The following PCBP3 variants were observed in gnomAD, a reference collection of about 807,000 sequenced individuals.
PCBP3 encodes poly(rC)-binding protein 3.
A neutral mutation model predicts 52.7 loss-of-function variants in PCBP3; 25 were observed. That is an observed-to-expected ratio of 0.47 (90% CI 0.35 to 0.66). The LOEUF is 0.66. Ranked by LOEUF, PCBP3 falls within the 30% of genes least tolerant of loss-of-function variation. The pLI, the probability that PCBP3 is intolerant of heterozygous loss-of-function variation, is 0.01. For missense variants in PCBP3, 391 were observed against 490.3 expected, an observed-to-expected ratio of 0.80 and a Z score of 1.91; for synonymous variants, 162 against 183.0, an observed-to-expected ratio of 0.89 and a Z score of 0.93.
intron 4 of PCBP3, among the ~76,000 whole-genome samples, chr21:45,764,800 G>A (rs1249358017): frequency 6.7e-6 from 1 of 149,580 alleles, no homozygotes; most frequent in Non-Finnish European, 1.5e-5. Flanking sequence ...GGAAAGAGTG[G>A]TGCCATCGTC....
intron 13 of PCBP3, among the ~76,000 whole-genome samples, chr21:45,922,507 A>G (rs1033377965): frequency 5.3e-5 from 8 of 152,192 alleles, no homozygotes; most frequent in Non-Finnish European, 1.0e-4. Context: ...GTGAGCAGAG[A>G]TTGCACCACT....
At chr21:45,911,141 C>A in intron 11 of PCBP3, 111 bp downstream of exon 11, 1 of 1,256,994 alleles carries the variant, frequency 8.0e-7, no homozygotes, top group Non-Finnish European at 1.1e-6. Flanking sequence ...ACAGTTGGGG[C>A]TGTGGGGGGC....
At chr21:45,799,907 C>T (rs759118900) in intron 4 of PCBP3, among the ~76,000 whole-genome samples, 1 of 152,200 alleles carries the variant, frequency 6.6e-6, no homozygotes, top group Non-Finnish European at 1.5e-5. Context: ...GCCCAGGAGG[C>T]CTTGATGCGG....
intron 4 of PCBP3, among the ~76,000 whole-genome samples, chr21:45,797,115 A>G (rs2091958197): frequency 6.6e-6 from 1 of 152,198 alleles, no homozygotes; most frequent in South Asian, 2.1e-4. Flanking sequence ...ATTTGGGGTG[A>G]AAGAGCGTGG....
intron 2 of PCBP3, among the ~76,000 whole-genome samples, chr21:45,714,926 G>A (rs2084107616): frequency 6.6e-6 from 1 of 152,198 alleles, no homozygotes; most frequent in African/African-American, 2.4e-5. Context: ...GATGCCCATG[G>A]ATATGGGCCT....
At position 45,805,560 on chromosome 21, in the gene PCBP3, G is replaced by A. The variant is rs1269825402; in HGVS notation, c.-125-44401G>A. ...GGCCTTGTGGGCAGTGTGGCAGAAC[G>A]GCACATACAGGTGCCTAAAATCGAG... On this transcript the variant is annotated intron_variant, in intron 4 of 17. Coordinates refer to ENST00000681687, the MANE Select transcript of PCBP3 (RefSeq NM_001384156.1). This position sits in a 1 kb window ranked among gnomAD's most constrained non-coding sequence, Gnocchi z 4.6. Among the ~76,000 whole-genome samples, 4 of 152,172 alleles carry A rather than the reference G, an allele frequency of 2.6e-5. No individual in the cohort carries two copies. Among genetic ancestry groups the A allele is most frequent in the African/African-American group, 9.7e-5 (4 of 41,450 alleles).
chr21:45,793,346 A>G (rs1569229866), intron 4 of PCBP3, among the ~76,000 whole-genome samples: 1 of 152,150 alleles, frequency 6.6e-6, no homozygotes, highest in Non-Finnish European at 1.5e-5. Flanking sequence ...ACCGAGAGCT[A>G]TTCCCGAGCA....
chr21:45,937,570 A>G (rs1459521486), intron 16 of PCBP3, among the ~76,000 whole-genome samples: 1 of 152,224 alleles, frequency 6.6e-6, no homozygotes, highest in Non-Finnish European at 1.5e-5. Flanking sequence ...GGAATTTGGC[A>G]TTGACATCTG....
rs543354275 is a variant in PCBP3 at position 45,719,151 on chromosome 21, T to A, written c.-199-16241T>A. ...AGCCATGTTGTGTGATTAGCTCAGC[T>A]GTATCTGGCTGACCGTTCGTAATCC... On this transcript the variant is annotated intron_variant, in intron 2 of 17. Transcript: ENST00000681687. Among the ~76,000 whole-genome samples the A allele has an allele frequency of 1.2e-4, 19 of 152,270 alleles. No homozygotes were observed. In the South Asian group the frequency reaches 3.9e-3, roughly 32 times the overall value.
intron 9 of PCBP3, chr21:45,901,420 T>G: frequency 5.8e-6 from 2 of 341,944 alleles, no homozygotes; most frequent in Non-Finnish European, 5.7e-6. Context: ...CACCCCACCC[T>G]TCCCCTGGGG....
chr21:45,772,926 T>C (rs973086181), intron 4 of PCBP3, among the ~76,000 whole-genome samples: 2 of 152,152 alleles, frequency 1.3e-5, no homozygotes, highest in Non-Finnish European at 2.9e-5. Context: ...TTAGTGGGAC[T>C]ATTTGTTTTT....
At chr21:45,690,093 T>G (rs1330267714) in intron 2 of PCBP3, among the ~76,000 whole-genome samples, 2 of 152,144 alleles carry the variant, frequency 1.3e-5, no homozygotes, top group Non-Finnish European at 2.9e-5. Context: ...TTGATTTATC[T>G]GGTTTCAAAT....
At chr21:45,754,946 G>A (rs1330385337) in intron 3 of PCBP3, among the ~76,000 whole-genome samples, 2 of 149,594 alleles carry the variant, frequency 1.3e-5, no homozygotes, top group Non-Finnish European at 3.0e-5. Flanking sequence ...TCTTGCTTGG[G>A]ATTGTTCTTG....
intron 13 of PCBP3, among the ~76,000 whole-genome samples, chr21:45,923,069 T>G (rs1323053861): frequency 6.6e-6 from 1 of 152,244 alleles, no homozygotes; most frequent in East Asian, 1.9e-4. Flanking sequence ...CGGGACTCTG[T>G]CGGTGCCACG....
chr21:45,847,365 G>A (rs2093837766), intron 4 of PCBP3, among the ~76,000 whole-genome samples: 1 of 152,020 alleles, frequency 6.6e-6, no homozygotes, highest in Admixed American at 6.6e-5. Context: ...CATGCTTCCC[G>A]ATAAGAAGCT....
chr21:45,724,078 C>G lies in PCBP3; in HGVS notation c.-199-11314C>G, dbSNP rs377650731. On this transcript the variant is annotated intron_variant, in intron 2 of 17. Coordinates refer to ENST00000681687, the MANE Select transcript of PCBP3 (RefSeq NM_001384156.1). The surrounding 1 kb of genome is among the most constrained non-coding windows in gnomAD (Gnocchi z 5.3). Reference sequence around the variant, plus strand: ...CTGGAGGGGGTAAGTTAATGAGACACTCTCTCCCCCAGATCTGGAGAAATT... The same window carrying G: ...CTGGAGGGGGTAAGTTAATGAGACAGTCTCTCCCCCAGATCTGGAGAAATT... Among the ~76,000 whole-genome samples the G allele has an allele frequency of 7.2e-5, 11 of 152,338 alleles. No individual in the cohort carries two copies. In the East Asian group the frequency reaches 1.9e-3, roughly 27 times the overall value.
intron 9 of PCBP3, chr21:45,901,553 C>T (rs1156341621): frequency 1.4e-5 from 3 of 210,274 alleles, no homozygotes; most frequent in Non-Finnish European, 2.9e-5. Context: ...AGCACCATGC[C>T]TCTGGGGCCC....
At chr21:45,868,432 T>TTTTTA (rs763519476) in intron 5 of PCBP3, among the ~76,000 whole-genome samples, 103 of 136,262 alleles carry the variant, frequency 7.6e-4, no homozygotes, top group Middle Eastern at 3.9e-3. Context: ...TTTTTTTTTT[T>TTTTTA]AAATAAAGGA....
At chr21:45,696,952 C>T (rs572778589) in intron 2 of PCBP3, among the ~76,000 whole-genome samples, 16 of 152,306 alleles carry the variant, frequency 1.1e-4, no homozygotes, top group Admixed American at 2.0e-4. Context: ...CCACAATAGC[C>T]TTTAGAAAGG....
Sources: allele counts gnomAD v4.1 joint callset (sites outside exome capture counted in the v4.1 genomes callset), GRCh38; gene constraint gnomAD v4.1.1; non-coding constraint Gnocchi (gnomAD v3.1); transcripts MANE v1.5; gene names NCBI Gene and HGNC (gene_info 2026-07-23, HGNC 2026-07-21).